CHDH: variants seen among roughly 807,000 people sequenced by gnomAD.
CHDH encodes choline dehydrogenase, also known as choline dehydrogenase, mitochondrial.
In CHDH, 43 loss-of-function variants were observed where a neutral mutation model predicts 56.9. The ratio of observed to expected loss-of-function variants is 0.76; its 90% CI spans 0.59 to 0.97. The LOEUF is 0.97. CHDH is among the 50% of genes least tolerant of loss of function. The probability of loss-of-function intolerance (pLI) is 0.00; values close to 1 mark genes in which losing one functional copy is unlikely to be tolerated. For missense variants in CHDH, 816 were observed against 821.1 expected (o/e 0.99, Z 0.08); for synonymous variants, 364 against 348.5 (o/e 1.04, Z -0.50).
At chr3:53,844,307 G>A (rs1185155731) in intron 1 of CHDH, among the ~76,000 whole-genome samples, 5 of 152,128 alleles carry the variant, frequency 3.3e-5, no homozygotes, top group Admixed American at 6.5e-5. Flanking sequence ...CCCCTGGGGG[G>A]AGAAAGAACC....
intron 2 of CHDH, among the ~76,000 whole-genome samples, chr3:53,830,535 C>T (rs1443775246): frequency 3.9e-5 from 6 of 151,946 alleles, no homozygotes; most frequent in Non-Finnish European, 7.4e-5. Context: ...GAGAAATAAA[C>T]AGTCCTACAA....
At chr3:53,837,795 C>A (rs994713353) in intron 2 of CHDH, among the ~76,000 whole-genome samples, 5 of 152,128 alleles carry the variant, frequency 3.3e-5, no homozygotes, top group Non-Finnish European at 7.3e-5. Context: ...CGGTGGCTCA[C>A]ATCTGTAATC....
At position 53,823,646 on chromosome 3, in the gene CHDH, G is replaced by A; in HGVS notation, c.363C>T (p.Tyr121=). The A allele has an allele frequency of 1.3e-6, 2 of 1,544,954 alleles. No homozygotes were observed. The highest frequency in any genetic ancestry group is 1.7e-6 in the Non-Finnish European group (2 of 1,146,302). The change falls in exon 3 of 9, where the codon TAC becomes TAT. Residue 121 remains tyrosine, a synonymous_variant. Coordinates refer to ENST00000315251, the MANE Select transcript of CHDH (RefSeq NM_018397.5). ...CACCCCAGACGCGGCCGCGTGGCCA[G>A]TACAGCACGCGGCCGTCCAGGCCCC... ...VQRGLDGRVL[Y]WPRGRVWGGS...
At chr3:53,820,386 G>A (rs1381215265) in intron 6 of CHDH, 88 bp downstream of exon 6, 3 of 1,468,834 alleles carry the variant, frequency 2.0e-6, no homozygotes, top group Non-Finnish European at 2.7e-6. Context: ...ATCAAACCCA[G>A]TGGCCAGAAC....
Position 53,821,696 on chromosome 3 carries a change from A to T in CHDH, c.936T>A (p.Asn312Lys), listed in dbSNP as rs939376939. Residue 312 changes from asparagine (N) to lysine (K), a missense_variant, in exon 5 of 9, where the codon AAT becomes AAA. Asn to Lys is a moderately conservative substitution (Grantham distance 94). Coordinates refer to ENST00000315251, the MANE Select transcript of CHDH (RefSeq NM_018397.5). Reference sequence around the variant, plus strand: ...TGCCCAGTTTCTTGAGGTCATCAGCATTCCCGATGCCAGAGAGCATGAGCA... The same window carrying T: ...TGCCCAGTTTCTTGAGGTCATCAGCTTTCCCGATGCCAGAGAGCATGAGCA... The part of the protein sequence containing the change: ...PQLLMLSGIG[N>K]ADDLKKLGIP... 1 of 1,614,092 alleles carries T rather than the reference A, an allele frequency of 6.2e-7. No homozygotes were observed. Among genetic ancestry groups the T allele is most frequent in the Admixed American group, 1.7e-5 (1 of 60,026 alleles).
intron 2 of CHDH, among the ~76,000 whole-genome samples, chr3:53,836,671 G>T (rs1003240594): frequency 1.3e-5 from 2 of 152,240 alleles, no homozygotes; most frequent in African/African-American, 4.8e-5. Context: ...CCTGAGGCTG[G>T]CGCTGCGTCA....
rs1698889246 is a variant in CHDH at position 53,846,376 on chromosome 3, C to T, written c.-424G>A. 2.1e-6 allele frequency: 1 copy of T among 481,660 alleles called. No homozygotes were observed. The highest frequency in any genetic ancestry group is 2.1e-5 in the African/African-American group (1 of 48,726). 29.8% of individuals were successfully genotyped at this position (481,660 alleles called of 1,614,324 possible). The stretch of plus-strand genomic sequence containing the variant: ...CGCGCCGCGGCGGCCCGTGCTCCGC[C>T]AGCGCTCGGACACGGCCCATCCCTC... On this transcript the variant is annotated 5_prime_UTR_variant, in exon 1 of 9. Transcript: ENST00000315251.
At chr3:53,830,402 T>TTATATATATATA (rs34884918) in intron 2 of CHDH, among the ~76,000 whole-genome samples, 1,927 of 146,968 alleles carry the variant, frequency 0.013, 41 homozygotes, top group African/African-American at 0.046. Context: ...CTAAATGAGA[T>TTATATATATATA]TATATATATA....
At position 53,814,259 on chromosome 3, in the gene CHDH, T is replaced by A. The variant is rs1364275335; in HGVS notation, c.*3518A>T. On this transcript the variant is annotated 3_prime_UTR_variant, in exon 9 of 9. Transcript: ENST00000315251. ...ATTTCCTAGAAAAGTTGTACTGTTT[T>A]GATAGGCAGCTGGCTGGTTTAGAAA... 6.6e-6 allele frequency: 1 copy of A among 152,240 alleles called. No individual in the cohort carries two copies. The highest frequency in any genetic ancestry group is 1.5e-5 in the Non-Finnish European group (1 of 68,040). The allele number at this position is 152,240 out of a possible 1,614,324, so 9.4% of individuals were successfully genotyped here.
At chr3:53,825,866 C>T (rs2095638131) in intron 2 of CHDH, among the ~76,000 whole-genome samples, 1 of 151,726 alleles carries the variant, frequency 6.6e-6, no homozygotes, top group Non-Finnish European at 1.5e-5. Context: ...ATAAATATAA[C>T]AATGACAGTA....
intron 2 of CHDH, among the ~76,000 whole-genome samples, chr3:53,833,486 G>A (rs1451190561): frequency 1.3e-5 from 2 of 152,212 alleles, no homozygotes; most frequent in Admixed American, 6.5e-5. Context: ...GAGTTCCAGG[G>A]AAGCAGCCCC....
rs2106962802 is a variant in CHDH at position 53,823,465 on chromosome 3, C to T, written c.544G>A (p.Gly182Ser). ...GACACCCGCAGCGGGCCATCGGCGC[C>T]CCGGTACCGGCTGGCGCCCAGCTCG... ...GHELGASRYR[G>S]ADGPLRVSRG... The change falls in exon 3 of 9, where the codon GGC becomes AGC. Residue 182 changes from glycine (G) to serine (S), a missense_variant. Physicochemically the swap from Gly to Ser is moderately conservative, Grantham distance 56 (BLOSUM62 0). Coordinates refer to ENST00000315251, the MANE Select transcript of CHDH (RefSeq NM_018397.5). 2 of 1,554,928 alleles carry T rather than the reference C, an allele frequency of 1.3e-6. No individual in the cohort carries two copies. The highest frequency in any genetic ancestry group is 1.7e-6 in the Non-Finnish European group (2 of 1,150,340).
At chr3:53,838,509 G>T (rs1320571172) in intron 2 of CHDH, among the ~76,000 whole-genome samples, 5 of 152,214 alleles carry the variant, frequency 3.3e-5, no homozygotes, top group Non-Finnish European at 7.3e-5. Context: ...CCGGAGCACA[G>T]CCAGAGGCAG....
intron 2 of CHDH, among the ~76,000 whole-genome samples, chr3:53,837,628 T>C (rs1027567553): frequency 6.6e-6 from 1 of 152,172 alleles, no homozygotes; most frequent in African/African-American, 2.4e-5. Flanking sequence ...GCTGCCCCAC[T>C]GTGGGTGCTT....
Position 53,813,801 on chromosome 3 carries a change from T to G in CHDH, c.*3976A>C, listed in dbSNP as rs1250462601. 3 of 152,246 alleles carry G rather than the reference T, an allele frequency of 2.0e-5. No homozygotes were observed. Among genetic ancestry groups the G allele is most frequent in the Non-Finnish European group, 4.4e-5 (3 of 68,046 alleles). 9.4% of individuals were successfully genotyped at this position (152,246 alleles called of 1,614,324 possible). ...GGAAAGTTTTAAGATGAAATGTTTTTCCTTTTTGGTCCCCTCCCCATCTGA... is the reference window on the plus strand; with the variant it reads ...GGAAAGTTTTAAGATGAAATGTTTTGCCTTTTTGGTCCCCTCCCCATCTGA... On this transcript the variant is annotated 3_prime_UTR_variant, in exon 9 of 9. Transcript: ENST00000315251.
At chr3:53,839,698 C>T (rs758799376) in intron 2 of CHDH, among the ~76,000 whole-genome samples, 12 of 152,218 alleles carry the variant, frequency 7.9e-5, no homozygotes, top group Non-Finnish European at 1.5e-4. Flanking sequence ...ATCCAACAAT[C>T]CCACTACTGG....
chr3:53,833,725 A>G (rs1264850542), intron 2 of CHDH, among the ~76,000 whole-genome samples: 1 of 152,138 alleles, frequency 6.6e-6, no homozygotes, highest in South Asian at 2.1e-4. Context: ...CTGTTTCCTG[A>G]AACCAACCAT....
intron 2 of CHDH, 107 bp downstream of exon 2, chr3:53,840,819 CCAA>C (rs1239313093): frequency 6.6e-6 from 1 of 152,212 alleles, no homozygotes; most frequent in Non-Finnish European, 1.5e-5. Context: ...CGAGGGATTT[CCAA>C]CGATTCCCCA....
chr3:53,824,187 G>A, intron 2 of CHDH, 120 bp from the exon 3 acceptor site: 1 of 561,448 alleles, frequency 1.8e-6, no homozygotes, highest in Non-Finnish European at 3.0e-6. Flanking sequence ...AAAGGAACTA[G>A]GAGGAGGAAG....
Sources: allele counts gnomAD v4.1 joint callset (sites outside exome capture counted in the v4.1 genomes callset), GRCh38; gene constraint gnomAD v4.1.1; transcripts MANE v1.5; gene names NCBI Gene and HGNC (gene_info 2026-07-23, HGNC 2026-07-21).